FBXO42: variants seen among roughly 807,000 people sequenced by gnomAD.
The protein encoded by FBXO42 is F-box only protein 42.
FBXO42 carries 12 observed loss-of-function variants against 71.7 expected under a neutral mutation model. The observed-to-expected ratio is 0.17, with a 90% CI of 0.11 to 0.27. FBXO42 has a LOEUF of 0.27. Ranked by LOEUF, FBXO42 falls within the 10% of genes least tolerant of loss-of-function variation. FBXO42 has a pLI of 1.00. For synonymous variants in FBXO42, 325 were observed against 327.5 expected (o/e 0.99, Z 0.08); for missense variants, 707 against 911.9 (o/e 0.78, Z 2.89).
intron 1 of FBXO42, among the ~76,000 whole-genome samples, chr1:16,315,923 C>T (rs1370024541): frequency 6.6e-6 from 1 of 152,110 alleles, no homozygotes; most frequent in Non-Finnish European, 1.5e-5. Context: ...GTAATCCCAG[C>T]ACTTTGGGAG....
intron 4 of FBXO42, among the ~76,000 whole-genome samples, chr1:16,267,934 T>G (rs2081796076): frequency 6.6e-6 from 1 of 152,208 alleles, no homozygotes; most frequent in African/African-American, 2.4e-5. Context: ...TTTTCACTTC[T>G]TAACAAAACC....
At chr1:16,259,622 C>T (rs2081686005) in intron 4 of FBXO42, among the ~76,000 whole-genome samples, 1 of 151,694 alleles carries the variant, frequency 6.6e-6, no homozygotes, top group Non-Finnish European at 1.5e-5. Context: ...AAAAATTAGC[C>T]AGGCATGGTA....
chr1:16,294,980 A>G (rs889460275), intron 3 of FBXO42, 63 bp from the exon 4 acceptor site: 13 of 1,494,394 alleles, frequency 8.7e-6, no homozygotes, highest in African/African-American at 2.8e-5. Context: ...CATTTTAACC[A>G]TAACATATAT....
At position 16,250,603 on chromosome 1, in the gene FBXO42, C is replaced by T. The variant is rs2081581281; in HGVS notation, c.*67G>A. The T allele has an allele frequency of 6.5e-7, 1 of 1,530,314 alleles. No homozygotes were observed. Among genetic ancestry groups the T allele is most frequent in the African/African-American group, 1.4e-5 (1 of 72,138 alleles). The allele number at this position is 1,530,314 out of a possible 1,614,324, so 94.8% of individuals were successfully genotyped here. A position where few individuals can be genotyped will look rare whatever the true frequency, so the allele number is the denominator to read the frequency against. On this transcript the variant is annotated 3_prime_UTR_variant, in exon 10 of 10. Coordinates refer to ENST00000375592, the MANE Select transcript of FBXO42 (RefSeq NM_018994.3). The surrounding 1 kb of genome is among the most constrained non-coding windows in gnomAD (Gnocchi z 4.7). ...TAATTTTGTTTTCCCAATTCTCAGT[C>T]CAAATGCTTACACACTGGAAAATTC...
chr1:16,262,957 C>T lies in FBXO42; in HGVS notation c.503-6198G>A, dbSNP rs189543850. The stretch of plus-strand genomic sequence containing the variant: ...AACTCCTGGATTCAAGCAATCTGCC[C>T]GCCTCGGCCTCCCAAAGTGCTAGGA... On this transcript the variant is annotated intron_variant, in intron 4 of 9. Transcript: ENST00000375592. Among the ~76,000 whole-genome samples the T allele has an allele frequency of 3.7e-3, 558 of 151,910 alleles. 3 individuals are homozygous for T. The highest frequency in any genetic ancestry group is 0.013 in the African/African-American group (526 of 41,472).
rs1177447595 is a variant in FBXO42 at position 16,248,584 on chromosome 1, G to A, written c.*2086C>T. On this transcript the variant is annotated 3_prime_UTR_variant, in exon 10 of 10. Transcript: ENST00000375592. ...TTAGATAGGAACTACTGAGTTTGGA[G>A]GCACAGTCCATGCACAAACACAATG... 6.6e-6 allele frequency: 1 copy of A among 152,174 alleles called. No homozygotes were observed. Among genetic ancestry groups the A allele is most frequent in the Non-Finnish European group, 1.5e-5 (1 of 68,036 alleles). The allele number at this position is 152,174 out of a possible 1,614,324, so 9.4% of individuals were successfully genotyped here.
intron 4 of FBXO42, among the ~76,000 whole-genome samples, chr1:16,277,253 C>T (rs2081913556): frequency 1.3e-5 from 2 of 152,160 alleles, no homozygotes; most frequent in African/African-American, 2.4e-5. Flanking sequence ...CCCATTGCCA[C>T]AAGATTTGGC....
chr1:16,339,246 T>C (rs1391555305), intron 1 of FBXO42, among the ~76,000 whole-genome samples: 1 of 152,170 alleles, frequency 6.6e-6, no homozygotes. Context: ...ACATTAATCA[T>C]TTCCAGAAGT....
intron 1 of FBXO42, among the ~76,000 whole-genome samples, chr1:16,319,910 TAAAAA>T (rs113558220): frequency 7.4e-6 from 1 of 135,286 alleles, no homozygotes; most frequent in Non-Finnish European, 1.6e-5. Context: ...GACTCCATCT[TAAAAA>T]AAAAAAGAAA....
chr1:16,279,854 C>CTTTTTTT (rs1553151074), intron 4 of FBXO42, among the ~76,000 whole-genome samples: 1 of 138,194 alleles, frequency 7.2e-6, no homozygotes. Context: ...TTTTTTTTTT[C>CTTTTTTT]TTTTTTTTTT....
chr1:16,345,986 T>C (rs548274148), intron 1 of FBXO42, among the ~76,000 whole-genome samples: 1 of 152,116 alleles, frequency 6.6e-6, no homozygotes, highest in African/African-American at 2.4e-5. Flanking sequence ...AAAGGTGACA[T>C]ATCAGAAGGA....
intron 3 of FBXO42, among the ~76,000 whole-genome samples, chr1:16,300,904 T>C (rs2082186167): frequency 6.8e-6 from 1 of 147,664 alleles, no homozygotes; most frequent in Admixed American, 6.7e-5. Context: ...TTTTTTTTTT[T>C]TTTTTTTTTT....
At chr1:16,286,037 C>T (rs779600357) in intron 4 of FBXO42, among the ~76,000 whole-genome samples, 1 of 151,944 alleles carries the variant, frequency 6.6e-6, no homozygotes, top group Admixed American at 6.6e-5. Context: ...TAGGTTCACA[C>T]CACGCCCAGC....
chr1:16,277,655 G>A (rs2081918611), intron 4 of FBXO42, among the ~76,000 whole-genome samples: 1 of 151,308 alleles, frequency 6.6e-6, no homozygotes, highest in Non-Finnish European at 1.5e-5. Context: ...AATCCAGGAG[G>A]CGGAGGTTGC....
chr1:16,288,740 T>C (rs906154192), intron 4 of FBXO42, among the ~76,000 whole-genome samples: 7 of 151,834 alleles, frequency 4.6e-5, no homozygotes, highest in Admixed American at 2.6e-4. Flanking sequence ...GGCGGATCAC[T>C]TGAGGTCAAG....
At chr1:16,263,782 C>A (rs1005514036) in intron 4 of FBXO42, among the ~76,000 whole-genome samples, 1 of 146,410 alleles carries the variant, frequency 6.8e-6, no homozygotes, top group African/African-American at 2.5e-5. Context: ...AAAACAAAAA[C>A]AAAAAACCCA....
At chr1:16,340,579 A>G (rs1196864924) in intron 1 of FBXO42, among the ~76,000 whole-genome samples, 2 of 152,096 alleles carry the variant, frequency 1.3e-5, no homozygotes, top group African/African-American at 4.8e-5. Flanking sequence ...TTGGCCTCCC[A>G]AAGTGCTGGG....
intron 4 of FBXO42, among the ~76,000 whole-genome samples, chr1:16,273,794 A>T (rs2081870063): frequency 1.3e-5 from 2 of 151,424 alleles, no homozygotes; most frequent in African/African-American, 4.9e-5. Flanking sequence ...TGGGAGGATC[A>T]CTTGAGCCCA....
intron 4 of FBXO42, among the ~76,000 whole-genome samples, chr1:16,279,843 G>GTTTTTTTTTTT (rs1199990516): frequency 1.0e-4 from 7 of 68,550 alleles, no homozygotes; most frequent in African/African-American, 3.7e-4. Flanking sequence ...GTTGACAATG[G>GTTTTTTTTTTT]TTTTTTTTTT....
Sources: allele counts gnomAD v4.1 joint callset (sites outside exome capture counted in the v4.1 genomes callset), GRCh38; gene constraint gnomAD v4.1.1; non-coding constraint Gnocchi (gnomAD v3.1); transcripts MANE v1.5; gene names NCBI Gene and HGNC (gene_info 2026-07-23, HGNC 2026-07-21).